Variants in SLC25A12 observed in about 807,000 individuals in gnomAD.
SLC25A12 encodes the protein electrogenic aspartate/glutamate antiporter SLC25A12, mitochondrial.
Under a neutral mutation model 83.3 loss-of-function variants are expected in SLC25A12, and 32 were observed. That is an observed-to-expected ratio of 0.38 (90% CI 0.29 to 0.52). The LOEUF (loss-of-function observed/expected upper bound fraction) is 0.52. SLC25A12 is among the 20% of genes least tolerant of loss of function. SLC25A12 has a pLI of 0.84. For synonymous variants in SLC25A12, 267 were observed against 291.1 expected (o/e 0.92, Z 0.84); for missense variants, 611 against 835.6 (o/e 0.73, Z 3.31).
At position 171,861,596 on chromosome 2, in the gene SLC25A12, C is replaced by T. The variant is rs556910010; in HGVS notation, c.210-5647G>A. Among the ~76,000 whole-genome samples, 8 of 152,130 alleles carry T rather than the reference C, an allele frequency of 5.3e-5. No homozygotes were observed. The South Asian group carries it at 8.3e-4, about 16-fold the overall frequency. On this transcript the variant is annotated intron_variant, in intron 3 of 17. Transcript: ENST00000422440. ...TAATTTTTAAATGTTTTTGTATAGA[C>T]GGGGTTTTGCTATGTTACCCCGGTT...
At chr2:171,855,109 C>T (rs1351229880) in intron 4 of SLC25A12, among the ~76,000 whole-genome samples, 1 of 152,168 alleles carries the variant, frequency 6.6e-6, no homozygotes, top group Non-Finnish European at 1.5e-5. Flanking sequence ...GGTCCTTGAA[C>T]TACTACATGG....
intron 3 of SLC25A12, among the ~76,000 whole-genome samples, chr2:171,866,618 CGGCT>C (rs2105915129): frequency 1.3e-5 from 1 of 79,138 alleles, no homozygotes; most frequent in Non-Finnish European, 2.7e-5. Flanking sequence ...CCGGACGGGG[CGGCT>C]GGCCGGGCGG....
intron 4 of SLC25A12, chr2:171,848,125 T>C: frequency 4.3e-6 from 2 of 468,806 alleles, no homozygotes; most frequent in South Asian, 3.1e-5. Flanking sequence ...CTGGTTCTTA[T>C]GGGCACTTCC....
intron 11 of SLC25A12, 74 bp downstream of exon 11, chr2:171,813,265 A>G (rs1400804613): frequency 1.8e-5 from 27 of 1,520,386 alleles, no homozygotes. Context: ...ATTGGCTTCC[A>G]TAATTAGTGA....
At chr2:171,885,921 T>G (rs1685808311) in intron 2 of SLC25A12, among the ~76,000 whole-genome samples, 1 of 152,218 alleles carries the variant, frequency 6.6e-6, no homozygotes, top group African/African-American at 2.4e-5. Flanking sequence ...ACATATACAT[T>G]GAGACTATTT....
At chr2:171,868,109 T>G (rs997010507) in intron 3 of SLC25A12, among the ~76,000 whole-genome samples, 24 of 152,100 alleles carry the variant, frequency 1.6e-4, no homozygotes, top group African/African-American at 5.1e-4. Flanking sequence ...CCTCCCAAAG[T>G]GCTGGGATCA....
chr2:171,792,077 T>C (rs938455189), intron 14 of SLC25A12, among the ~76,000 whole-genome samples: 3 of 151,822 alleles, frequency 2.0e-5, no homozygotes, highest in Non-Finnish European at 4.4e-5. Flanking sequence ...TCTCTCCTCA[T>C]TCCCCATGTC....
chr2:171,800,547 C>A (rs190081527), intron 13 of SLC25A12, among the ~76,000 whole-genome samples: 3 of 152,228 alleles, frequency 2.0e-5, no homozygotes, highest in African/African-American at 7.2e-5. Context: ...ATAAAATGAT[C>A]CATCCACTTC....
At chr2:171,828,564 C>T (rs1349862029) in intron 8 of SLC25A12, among the ~76,000 whole-genome samples, 1 of 152,192 alleles carries the variant, frequency 6.6e-6, no homozygotes, top group Non-Finnish European at 1.5e-5. Flanking sequence ...CCTGCCCTTA[C>T]ACAGGGTCCA....
intron 3 of SLC25A12, 102 bp downstream of exon 3, chr2:171,868,579 G>A (rs1196963780): frequency 2.7e-5 from 32 of 1,183,132 alleles, no homozygotes; most frequent in East Asian, 9.6e-5. Flanking sequence ...CTTCCAAAGC[G>A]CTGGGATTAC....
chr2:171,892,426 C>T lies in SLC25A12; in HGVS notation c.66+779G>A, dbSNP rs181536993. ...ATTTTTAGTAGAGACGGGGTTTCAC[C>T]GTGTTAGCCAGGATGGTCTCGATCT... On this transcript the variant is annotated intron_variant, in intron 2 of 17. Coordinates refer to ENST00000422440, the MANE Select transcript of SLC25A12 (RefSeq NM_003705.5). 2.4e-3 allele frequency among the ~76,000 whole-genome samples: 369 copies of T among 152,146 alleles called. 2 individuals carry two copies. Among genetic ancestry groups the T allele is most frequent in the African/African-American group, 8.4e-3 (349 of 41,518 alleles).
intron 2 of SLC25A12, among the ~76,000 whole-genome samples, chr2:171,881,302 G>A (rs942770643): frequency 4.6e-5 from 7 of 152,060 alleles, no homozygotes; most frequent in African/African-American, 1.4e-4. Context: ...ACAGGCATCC[G>A]CCATCATGCC....
intron 1 of SLC25A12, 38 bp downstream of exon 1, chr2:171,894,165 C>A (rs1686002212): frequency 2.5e-6 from 4 of 1,601,802 alleles, no homozygotes; most frequent in Non-Finnish European, 3.4e-6. Flanking sequence ...CGGAATGTCT[C>A]TTATGCAATA....
chr2:171,862,985 A>G (rs926078261), intron 3 of SLC25A12, among the ~76,000 whole-genome samples: 3 of 152,146 alleles, frequency 2.0e-5, no homozygotes, highest in African/African-American at 7.2e-5. Flanking sequence ...CTGCAGCCAC[A>G]AACACTTGGG....
chr2:171,849,803 G>A (rs888052772), intron 4 of SLC25A12, among the ~76,000 whole-genome samples: 6 of 151,806 alleles, frequency 4.0e-5, no homozygotes, highest in South Asian at 2.1e-4. Flanking sequence ...TGATCCACCC[G>A]CCTCGGCCTC....
chr2:171,787,686 G>T (rs1690514243), intron 16 of SLC25A12, 25 bp from the exon 17 acceptor site: 3 of 1,610,906 alleles, frequency 1.9e-6, no homozygotes, highest in Non-Finnish European at 2.5e-6. Context: ...CAGGGGCAGG[G>T]GAGACTTGAA....
At chr2:171,892,693 C>T (rs1685968982) in intron 2 of SLC25A12, among the ~76,000 whole-genome samples, 3 of 146,558 alleles carry the variant, frequency 2.0e-5, no homozygotes, top group Non-Finnish European at 4.5e-5. Flanking sequence ...TAGACCATTG[C>T]AAGAATCTTA....
chr2:171,852,467 G>A (rs375870106), intron 4 of SLC25A12, among the ~76,000 whole-genome samples: 2 of 152,276 alleles, frequency 1.3e-5, no homozygotes, highest in East Asian at 3.9e-4. Context: ...ACACATTGCA[G>A]CTAATATTGT....
In SLC25A12 at chr2:171,884,079, T is replaced by C. The variant is rs1574007106; in HGVS notation, c.66+9126A>G. On this transcript the variant is annotated intron_variant, in intron 2 of 17. Transcript: ENST00000422440. ...TTTTTTTGTAGAGACAGAATCTCACTTTTTTGGCCAGGCTGGTCTCAAACT... is the reference window on the plus strand; with the variant it reads ...TTTTTTTGTAGAGACAGAATCTCACCTTTTTGGCCAGGCTGGTCTCAAACT... Among the ~76,000 whole-genome samples the C allele has an allele frequency of 3.4e-5, 5 of 148,990 alleles. 1 individual carries two copies. Among genetic ancestry groups the C allele is most frequent in the African/African-American group, 7.4e-5 (3 of 40,444 alleles).
Sources: gnomAD v4.1 joint callset for allele counts (sites outside exome capture counted in the v4.1 genomes callset) on GRCh38, gnomAD v4.1.1 for gene constraint, MANE v1.5 for transcripts, NCBI Gene and HGNC (gene_info 2026-07-23, HGNC 2026-07-21) for gene names.